The following COL4A1 variants were observed in gnomAD, a reference collection of about 807,000 sequenced individuals.
COL4A1 encodes collagen alpha-1(IV) chain.
Under a neutral mutation model 216.6 loss-of-function variants are expected in COL4A1, and 40 were observed. The observed-to-expected ratio is 0.18, with a 90% CI of 0.14 to 0.24. The LOEUF is 0.24. COL4A1 is among the 10% of genes least tolerant of loss of function. The pLI is 1.00. For synonymous variants in COL4A1, 839 were observed against 810.7 expected (o/e 1.03, Z -0.59); for missense variants, 1,628 against 2,196.8 (o/e 0.74, Z 5.18).
intron 1 of COL4A1, among the ~76,000 whole-genome samples, chr13:110,279,081 G>A (rs964713319): frequency 2.6e-5 from 4 of 151,992 alleles, no homozygotes; most frequent in East Asian, 3.8e-4. Context: ...GTTTCGAGTC[G>A]GCCACAGGTG....
At chr13:110,192,133 C>T (rs538592452) in intron 24 of COL4A1, 81 bp downstream of exon 24, 2 of 1,449,344 alleles carry the variant, frequency 1.4e-6, no homozygotes, top group East Asian at 4.5e-5. Context: ...GCCATGCTTG[C>T]AAATGCAAAA....
chr13:110,188,532 T>C (rs2139175183), intron 24 of COL4A1, among the ~76,000 whole-genome samples: 1 of 152,350 alleles, frequency 6.6e-6, no homozygotes, highest in Non-Finnish European at 1.5e-5. Context: ...AAGAAGCTGA[T>C]ACTCAAAGAA....
chr13:110,216,718 G>GT (rs1259226769), intron 2 of COL4A1, among the ~76,000 whole-genome samples: 2 of 152,146 alleles, frequency 1.3e-5, no homozygotes, highest in Admixed American at 1.3e-4. Context: ...CATAGTCCCT[G>GT]TTTTTTCTGG....
chr13:110,291,923 T>C (rs77129896), intron 1 of COL4A1, among the ~76,000 whole-genome samples: 157 of 152,318 alleles, frequency 1.0e-3, no homozygotes, highest in African/African-American at 3.5e-3. Context: ...GCTCAGATAC[T>C]GTGCCATCCC....
chr13:110,256,093 T>A (rs190289839), intron 1 of COL4A1, among the ~76,000 whole-genome samples: 1 of 151,724 alleles, frequency 6.6e-6, no homozygotes, highest in East Asian at 1.9e-4. Flanking sequence ...TTCTTATCTA[T>A]TAAATCATAC....
chr13:110,306,132 G>A (rs972143282), intron 1 of COL4A1, among the ~76,000 whole-genome samples: 4 of 152,076 alleles, frequency 2.6e-5, no homozygotes, highest in South Asian at 4.1e-4. Context: ...TGGAAGCCTC[G>A]ACTCCTGCAA....
intron 1 of COL4A1, among the ~76,000 whole-genome samples, chr13:110,271,262 A>G (rs1883234235): frequency 6.6e-6 from 1 of 152,216 alleles, no homozygotes; most frequent in Non-Finnish European, 1.5e-5. Context: ...AAGAATCCTC[A>G]GGGATAGTCA....
intron 1 of COL4A1, among the ~76,000 whole-genome samples, chr13:110,252,661 G>A (rs547953006): frequency 7.2e-6 from 1 of 139,080 alleles, no homozygotes; most frequent in African/African-American, 2.6e-5. Context: ...ATGTATATAT[G>A]TATATATACA....
At chr13:110,291,117 G>A (rs1884070164) in intron 1 of COL4A1, among the ~76,000 whole-genome samples, 1 of 152,204 alleles carries the variant, frequency 6.6e-6, no homozygotes, top group African/African-American at 2.4e-5. Context: ...ACCTGTCCGA[G>A]AACACTGGGG....
intron 2 of COL4A1, among the ~76,000 whole-genome samples, chr13:110,231,460 C>T (rs998860068): frequency 1.3e-5 from 2 of 152,212 alleles, no homozygotes; most frequent in East Asian, 3.9e-4. Context: ...TGCGAATGAC[C>T]GTTCGGTTTG....
intron 1 of COL4A1, among the ~76,000 whole-genome samples, chr13:110,272,318 A>C (rs1466849373): frequency 6.6e-6 from 1 of 152,260 alleles, no homozygotes; most frequent in Non-Finnish European, 1.5e-5. Context: ...GACCGTAGAT[A>C]CGTGAACACA....
chr13:110,163,285 A>G (rs1190373432), intron 47 of COL4A1, among the ~76,000 whole-genome samples, 178 bp downstream of exon 47: 1 of 152,236 alleles, frequency 6.6e-6, no homozygotes, highest in Non-Finnish European at 1.5e-5. Flanking sequence ...TACACAGAAA[A>G]AAGAACACTT....
At chr13:110,170,896 T>G (rs1204890987) in intron 41 of COL4A1, among the ~76,000 whole-genome samples, 164 bp from the exon 42 acceptor site, 2 of 152,218 alleles carry the variant, frequency 1.3e-5, no homozygotes, top group African/African-American at 2.4e-5. Flanking sequence ...CTCCGATCCC[T>G]CCTTCTCTTT....
chr13:110,284,072 C>T (rs1380156932), intron 1 of COL4A1, among the ~76,000 whole-genome samples: 2 of 152,198 alleles, frequency 1.3e-5, no homozygotes, highest in Non-Finnish European at 2.9e-5. Flanking sequence ...CACCAACGGG[C>T]AGGGATCCCA....
chr13:110,170,023 G>A (rs1361008217), intron 42 of COL4A1, among the ~76,000 whole-genome samples: 1 of 137,828 alleles, frequency 7.3e-6, no homozygotes, highest in African/African-American at 2.7e-5. Context: ...GGAAGGTCTG[G>A]GAAGGAAGGA....
chr13:110,155,199 A>G lies in COL4A1; in HGVS notation c.4755+84T>C, dbSNP rs1876719011. The G allele has an allele frequency of 3.1e-6, 3 of 957,068 alleles. No homozygotes were observed. The Admixed American group carries it at 5.2e-5, about 17-fold the overall frequency. The allele number at this position is 957,068 out of a possible 1,614,324, so 59.3% of individuals were successfully genotyped here. A position where few individuals can be genotyped will look rare whatever the true frequency, so the allele number is the denominator to read the frequency against. On this transcript the variant is annotated intron_variant, in intron 50 of 51. Transcript: ENST00000375820. ...AAGCAGCGAGATGCAGAGAACTCCA[A>G]GGTGTGGAGGCACCAGACAGAGGCG...
At chr13:110,194,866 G>A (rs1282435189) in intron 22 of COL4A1, among the ~76,000 whole-genome samples, 157 bp downstream of exon 22, 3 of 152,116 alleles carry the variant, frequency 2.0e-5, no homozygotes, top group African/African-American at 7.2e-5. Flanking sequence ...TCCGGAAGAT[G>A]CTTATTCTAG....
intron 17 of COL4A1, among the ~76,000 whole-genome samples, chr13:110,205,010 G>A (rs1310492645): frequency 6.6e-6 from 1 of 152,124 alleles, no homozygotes; most frequent in Non-Finnish European, 1.5e-5. Flanking sequence ...ATAGGAACAA[G>A]GCGAACTCTG....
At chr13:110,214,692 T>G (rs1189834502) in intron 2 of COL4A1, among the ~76,000 whole-genome samples, 1 of 152,200 alleles carries the variant, frequency 6.6e-6, no homozygotes, top group East Asian at 1.9e-4. Flanking sequence ...ATTCAGGGAC[T>G]TGTACCACTA....
Sources: gnomAD v4.1 joint callset for allele counts (sites outside exome capture counted in the v4.1 genomes callset) on GRCh38, gnomAD v4.1.1 for gene constraint, MANE v1.5 for transcripts, NCBI Gene and HGNC (gene_info 2026-07-23, HGNC 2026-07-21) for gene names.